SLIT3: variants seen among roughly 807,000 people sequenced by gnomAD.
SLIT3 encodes slit homolog 3 protein.
A neutral mutation model predicts 184.0 loss-of-function variants in SLIT3; 68 were observed. The observed-to-expected ratio is 0.37, with a 90% CI of 0.30 to 0.45. The LOEUF is 0.45. Among genes scored for constraint, SLIT3 ranks in the 20% least tolerant of loss-of-function variants. The pLI is 1.00. For synonymous variants in SLIT3, 831 were observed against 828.6 expected, an observed-to-expected ratio of 1.00 and a Z score of -0.05; for missense variants, 1,707 against 2,026.0, an observed-to-expected ratio of 0.84 and a Z score of 3.02.
chr5:169,074,930 T>C (rs895526022), intron 4 of SLIT3, among the ~76,000 whole-genome samples: 3 of 152,146 alleles, frequency 2.0e-5, no homozygotes, highest in African/African-American at 7.2e-5. Flanking sequence ...GAAGGTGCAC[T>C]CTGGAAATGT....
intron 35 of SLIT3, among the ~76,000 whole-genome samples, chr5:168,668,708 C>CA (rs1157974193): frequency 5.3e-5 from 8 of 152,096 alleles, no homozygotes; most frequent in South Asian, 4.1e-4. Flanking sequence ...CTCGGCCTCC[C>CA]AAAATGCTAG....
chr5:168,708,893 G>A (rs528807874), intron 25 of SLIT3, among the ~76,000 whole-genome samples: 1 of 152,300 alleles, frequency 6.6e-6, no homozygotes, highest in East Asian at 1.9e-4. Context: ...GTTTGTGGAT[G>A]AGTAAAAAGA....
At position 168,795,523 on chromosome 5, in the gene SLIT3, T is replaced by G. The variant is rs1460880037; in HGVS notation, c.991A>C (p.Lys331Gln). 1 of 1,613,494 alleles carries G rather than the reference T, an allele frequency of 6.2e-7. No homozygotes were observed. Among genetic ancestry groups the G allele is most frequent in the Non-Finnish European group, 8.5e-7 (1 of 1,179,524 alleles). The change falls in exon 10 of 36, where the codon AAG becomes CAG. Residue 331 changes from lysine (K) to glutamine (Q), a missense_variant. Around this residue, in one of 3 missense-constraint regions of SLIT3, gnomAD observed 1,307 missense variants for 1,511.6 expected, o/e 0.86. Transcript: ENST00000519560. ...AIPAGAFTQY[K>Q]KLKRIDISKN... The stretch of plus-strand genomic sequence containing the variant: ...GAAACTCACATTCGCTTCAGTTTCT[T>G]GTACTGGGTGAAGGCTCCTGCAGGG...
chr5:169,155,944 C>G (rs1324269399), intron 4 of SLIT3, among the ~76,000 whole-genome samples: 4 of 152,202 alleles, frequency 2.6e-5, no homozygotes, highest in Non-Finnish European at 5.9e-5. Flanking sequence ...TGCTCCATAA[C>G]AAAATGGATC....
At chr5:168,804,445 G>C (rs1215728443) in intron 9 of SLIT3, among the ~76,000 whole-genome samples, 2 of 152,046 alleles carry the variant, frequency 1.3e-5, no homozygotes, top group Admixed American at 1.3e-4. Flanking sequence ...ATGTTGGAAG[G>C]CCGTAGGAGG....
chr5:168,724,472 T>A lies in SLIT3; in HGVS notation c.2283A>T (p.Gly761=). 6.2e-7 allele frequency: 1 copy of A among 1,613,058 alleles called. No individual in the cohort carries two copies. ...CTCTGGGCACGGCTGTTAGGTGGTT[T>A]CCTTCCAGGTACCTGAAAGAGGTGT... The part of the protein sequence containing the change: ...PKDVTELYLE[G]NHLTAVPREL... Residue 761 remains glycine (G), a synonymous_variant, in exon 21 of 36, where the codon GGA becomes GGT. Transcript: ENST00000519560.
Position 168,724,458 on chromosome 5 carries a change from G to A in SLIT3, c.2297C>T (p.Ala766Val). 1.2e-6 allele frequency: 2 copies of A among 1,613,146 alleles called. No individual in the cohort carries two copies. Among genetic ancestry groups the A allele is most frequent in the Non-Finnish European group, 1.7e-6 (2 of 1,179,464 alleles). The change falls in exon 21 of 36, where the codon GCC becomes GTC. Residue 766 changes from alanine (A) to valine (V), a missense_variant. Physicochemically the swap from Ala to Val is moderately conservative, Grantham distance 64. This residue lies in a region of SLIT3 where 1,307 missense variants were observed against 1,511.6 expected (regional missense o/e 0.86). Transcript: ENST00000519560. ...GAGGGCGGACAGCTCTCTGGGCACG[G>A]CTGTTAGGTGGTTTCCTTCCAGGTA... ...ELYLEGNHLT[A>V]VPRELSALRH... is the part of the protein sequence containing the mutation.
chr5:169,289,881 A>ACTAGGGCACACACTAGGGCATATG (rs1554114791), intron 1 of SLIT3, among the ~76,000 whole-genome samples: 1 of 152,304 alleles, frequency 6.6e-6, no homozygotes, highest in East Asian at 1.9e-4. Flanking sequence ...TAGGGCATTC[A>ACTAGGGCACACACTAGGGCATATG]CTAGGGCACA....
intron 4 of SLIT3, among the ~76,000 whole-genome samples, chr5:169,180,363 G>T (rs6898247): frequency 0.11 from 16,862 of 152,132 alleles, 1,893 homozygotes; most frequent in African/African-American, 0.27. Flanking sequence ...AGCTTAGGAT[G>T]TCTTCTCAGG....
chr5:169,278,561 A>T (rs1766891390), intron 1 of SLIT3, among the ~76,000 whole-genome samples: 1 of 152,172 alleles, frequency 6.6e-6, no homozygotes, highest in Non-Finnish European at 1.5e-5. Context: ...GTTAGCTCTT[A>T]TTGTTACTGT....
intron 4 of SLIT3, among the ~76,000 whole-genome samples, chr5:168,894,181 C>T (rs1760574450): frequency 6.6e-6 from 1 of 152,188 alleles, no homozygotes; most frequent in Non-Finnish European, 1.5e-5. Context: ...AGAGTAGCTA[C>T]CTGGGCACAG....
intron 26 of SLIT3, among the ~76,000 whole-genome samples, chr5:168,704,984 C>G (rs1482617549): frequency 6.6e-6 from 1 of 152,308 alleles, no homozygotes; most frequent in East Asian, 1.9e-4. Context: ...GGTTCAACCT[C>G]CTCCATTTTA....
chr5:169,082,371 C>T (rs1476091394), intron 4 of SLIT3, among the ~76,000 whole-genome samples: 3 of 152,286 alleles, frequency 2.0e-5, no homozygotes, highest in South Asian at 2.1e-4. Context: ...GGCCCAGTTA[C>T]GATTATGTTG....
chr5:168,782,856 G>A (rs1473725180), intron 12 of SLIT3, among the ~76,000 whole-genome samples: 4 of 152,144 alleles, frequency 2.6e-5, no homozygotes, highest in African/African-American at 4.8e-5. Flanking sequence ...CAATAAATGC[G>A]TGTTTATACA....
rs191527352 is a variant in SLIT3, at chr5:168,895,281, G to A, written c.414-11945C>T. ...CTTATGTGGCCCACTCTGTTCCACT[G>A]AGGAAACATGAACATGCCAGGGCAG... On this transcript the variant is annotated intron_variant, in intron 4 of 35. Coordinates refer to ENST00000519560, the MANE Select transcript of SLIT3 (RefSeq NM_003062.4). Among the ~76,000 whole-genome samples the A allele has an allele frequency of 2.1e-3, 319 of 152,254 alleles. 1 individual carries two copies. The highest frequency in any genetic ancestry group is 7.1e-3 in the African/African-American group (294 of 41,546).
chr5:169,169,635 T>A (rs1762755978), intron 4 of SLIT3, among the ~76,000 whole-genome samples: 1 of 152,146 alleles, frequency 6.6e-6, no homozygotes, highest in Admixed American at 6.5e-5. Context: ...CACAAATTGG[T>A]CCCTATCAGA....
chr5:168,694,661 C>T (rs1488590811), intron 28 of SLIT3, among the ~76,000 whole-genome samples: 1 of 152,128 alleles, frequency 6.6e-6, no homozygotes, highest in Non-Finnish European at 1.5e-5. Flanking sequence ...TTCTGTCTCC[C>T]AGGCAGGAGT....
At chr5:169,019,824 T>C (rs1185544121) in intron 4 of SLIT3, among the ~76,000 whole-genome samples, 3 of 152,372 alleles carry the variant, frequency 2.0e-5, no homozygotes, top group Admixed American at 2.0e-4. Context: ...TAAATATGTT[T>C]GAGTCTTTTT....
intron 4 of SLIT3, among the ~76,000 whole-genome samples, chr5:168,952,149 C>A (rs553774313): frequency 1.6e-3 from 246 of 152,314 alleles, no homozygotes; most frequent in African/African-American, 5.6e-3. Context: ...AGCCATGCAT[C>A]ATGGGGCCGC....
Sources: allele counts gnomAD v4.1 joint callset (sites outside exome capture counted in the v4.1 genomes callset), GRCh38; gene constraint gnomAD v4.1.1; regional missense constraint gnomAD v4.1.1; transcripts MANE v1.5; gene names NCBI Gene and HGNC (gene_info 2026-07-23, HGNC 2026-07-21).